SLC4A10: variants seen among roughly 807,000 people sequenced by gnomAD.
SLC4A10 encodes the protein sodium-driven chloride bicarbonate exchanger.
SLC4A10 carries 42 observed loss-of-function variants against 137.7 expected under a neutral mutation model. That is an observed-to-expected ratio of 0.30 (90% CI 0.24 to 0.39). SLC4A10 has a LOEUF of 0.39. Ranked by LOEUF, SLC4A10 falls within the 10% of genes least tolerant of loss-of-function variation. The pLI is 1.00. For synonymous variants in SLC4A10, 474 were observed against 464.1 expected, an observed-to-expected ratio of 1.02 and a Z score of -0.27; for missense variants, 925 against 1,355.0, an observed-to-expected ratio of 0.68 and a Z score of 4.98.
intron 1 of SLC4A10, among the ~76,000 whole-genome samples, chr2:161,650,550 C>T (rs1427498594): frequency 6.6e-6 from 1 of 152,038 alleles, no homozygotes; most frequent in African/African-American, 2.4e-5. Context: ...AGCTGTGGCT[C>T]TGGATCTGGG....
intron 1 of SLC4A10, among the ~76,000 whole-genome samples, chr2:161,637,198 G>A (rs1180138188): frequency 6.7e-6 from 1 of 149,888 alleles, no homozygotes; most frequent in East Asian, 2.0e-4. Flanking sequence ...GAGAGAGAGA[G>A]AGAAAGAGAG....
intron 1 of SLC4A10, among the ~76,000 whole-genome samples, chr2:161,660,635 T>C (rs1019882473): frequency 2.9e-5 from 4 of 139,060 alleles, no homozygotes; most frequent in Non-Finnish European, 3.1e-5. Context: ...TTCCTTTCCT[T>C]CTTTCCTTCT....
At chr2:161,656,016 G>C (rs937511217) in intron 1 of SLC4A10, among the ~76,000 whole-genome samples, 1 of 151,956 alleles carries the variant, frequency 6.6e-6, no homozygotes, top group African/African-American at 2.4e-5. Context: ...GTTTCACCGT[G>C]TTGGTCAGGC....
intron 16 of SLC4A10, among the ~76,000 whole-genome samples, chr2:161,944,846 T>C (rs959508812): frequency 6.6e-6 from 1 of 151,626 alleles, no homozygotes; most frequent in Admixed American, 6.6e-5. Flanking sequence ...ATATTCATAA[T>C]GTCATCAAAA....
chr2:161,646,979 T>A (rs1175294327), intron 1 of SLC4A10, among the ~76,000 whole-genome samples: 1 of 152,050 alleles, frequency 6.6e-6, no homozygotes, highest in Non-Finnish European at 1.5e-5. Flanking sequence ...TATTCGCAGT[T>A]CTAAAATAGG....
intron 3 of SLC4A10, among the ~76,000 whole-genome samples, chr2:161,828,696 A>G (rs1001413024): frequency 3.7e-5 from 5 of 134,252 alleles, no homozygotes; most frequent in African/African-American, 1.4e-4. Flanking sequence ...CTATTGTTTT[A>G]CTGCTTACCC....
chr2:161,695,810 G>A (rs536498912), intron 1 of SLC4A10, among the ~76,000 whole-genome samples: 5 of 152,170 alleles, frequency 3.3e-5, no homozygotes, highest in South Asian at 2.1e-4. Context: ...TGCATTCTAC[G>A]ACAATAAACA....
chr2:161,628,218 A>G (rs2032828229), intron 1 of SLC4A10, among the ~76,000 whole-genome samples: 1 of 152,062 alleles, frequency 6.6e-6, no homozygotes, highest in South Asian at 2.1e-4. Context: ...AGCTTCCAGA[A>G]GAATATATAA....
intron 2 of SLC4A10, among the ~76,000 whole-genome samples, chr2:161,795,050 A>C (rs1001837584): frequency 1.3e-5 from 2 of 151,542 alleles, no homozygotes; most frequent in Non-Finnish European, 2.9e-5. Flanking sequence ...AGGAGGTAAA[A>C]TTTTTTTTTA....
chr2:161,718,198 G>A (rs796578618), intron 1 of SLC4A10, among the ~76,000 whole-genome samples: 2 of 151,472 alleles, frequency 1.3e-5, no homozygotes, highest in South Asian at 2.1e-4. Flanking sequence ...TTCTTTATTA[G>A]TCTAGCTAGT....
intron 26 of SLC4A10, among the ~76,000 whole-genome samples, chr2:161,977,993 A>C (rs1184097596): frequency 6.6e-6 from 1 of 152,202 alleles, no homozygotes; most frequent in Non-Finnish European, 1.5e-5. Flanking sequence ...CTTGATTTAT[A>C]CAGATGCATC....
intron 1 of SLC4A10, among the ~76,000 whole-genome samples, chr2:161,643,513 T>A (rs1671558073): frequency 6.6e-6 from 1 of 152,126 alleles, no homozygotes; most frequent in South Asian, 2.1e-4. Flanking sequence ...GATGAAAAAC[T>A]ACATCCAAAT....
chr2:161,849,029 C>T (rs2059663556), intron 4 of SLC4A10, among the ~76,000 whole-genome samples: 1 of 152,030 alleles, frequency 6.6e-6, no homozygotes, highest in Non-Finnish European at 1.5e-5. Context: ...TTTTTCCTAT[C>T]CATGAGCATG....
At chr2:161,969,208 T>C (rs1182890718) in intron 23 of SLC4A10, among the ~76,000 whole-genome samples, 1 of 152,202 alleles carries the variant, frequency 6.6e-6, no homozygotes, top group African/African-American at 2.4e-5. Context: ...TTTCTGGTCT[T>C]ATGGCACTGA....
rs75898322 is a variant in SLC4A10, at chr2:161,643,458, A to G, written c.48+18892A>G. On this transcript the variant is annotated intron_variant, in intron 1 of 26. Coordinates refer to ENST00000446997, the MANE Select transcript of SLC4A10 (RefSeq NM_001178015.2). Reference sequence around the variant, plus strand: ...TAGTATTTTGGCTACTTTTAGTTCAATTTGACTGGCAGTAATTTACTTATA... The same window carrying G: ...TAGTATTTTGGCTACTTTTAGTTCAGTTTGACTGGCAGTAATTTACTTATA... 6.3e-4 allele frequency among the ~76,000 whole-genome samples: 96 copies of G among 152,258 alleles called. 1 individual carries two copies. In the East Asian group the frequency reaches 0.017, roughly 27 times the overall value.
intron 2 of SLC4A10, among the ~76,000 whole-genome samples, chr2:161,787,300 T>C (rs2053734912): frequency 6.6e-6 from 1 of 152,170 alleles, no homozygotes; most frequent in African/African-American, 2.4e-5. Flanking sequence ...GCTAGTCTGA[T>C]GGAATTTCCT....
At chr2:161,689,260 C>T (rs1462845648) in intron 1 of SLC4A10, among the ~76,000 whole-genome samples, 1 of 152,074 alleles carries the variant, frequency 6.6e-6, no homozygotes, top group African/African-American at 2.4e-5. Context: ...CAATTATGTC[C>T]TAGGCCTTCA....
intron 15 of SLC4A10, among the ~76,000 whole-genome samples, chr2:161,914,800 G>A (rs951505955): frequency 1.3e-5 from 2 of 152,142 alleles, no homozygotes; most frequent in Non-Finnish European, 2.9e-5. Context: ...ACCTCAGAAT[G>A]TGACTGTATT....
intron 1 of SLC4A10, among the ~76,000 whole-genome samples, chr2:161,640,447 C>A (rs906493413): frequency 6.6e-6 from 1 of 152,094 alleles, no homozygotes; most frequent in Non-Finnish European, 1.5e-5. Flanking sequence ...AGATTGTATA[C>A]CAGTTTTCAC....
Sources: gnomAD v4.1 joint callset for allele counts (sites outside exome capture counted in the v4.1 genomes callset) on GRCh38, gnomAD v4.1.1 for gene constraint, MANE v1.5 for transcripts, NCBI Gene and HGNC (gene_info 2026-07-23, HGNC 2026-07-21) for gene names.